ZSWIM5: variants seen among roughly 807,000 people sequenced by gnomAD.
ZSWIM5 encodes the protein zinc finger SWIM-type containing 5.
Under a neutral mutation model 119.6 loss-of-function variants are expected in ZSWIM5, and 55 were observed. The ratio of observed to expected loss-of-function variants is 0.46; its 90% CI spans 0.37 to 0.58. ZSWIM5 has a LOEUF of 0.58. ZSWIM5 is among the 20% of genes least tolerant of loss of function. ZSWIM5 has a pLI of 0.00. For synonymous variants in ZSWIM5, 537 were observed against 606.9 expected, an observed-to-expected ratio of 0.88 and a Z score of 1.69; for missense variants, 1,193 against 1,512.8, an observed-to-expected ratio of 0.79 and a Z score of 3.51.
intron 5 of ZSWIM5, among the ~76,000 whole-genome samples, chr1:45,044,723 CAAAA>C (rs869224710): frequency 2.3e-4 from 1 of 4,400 alleles, no homozygotes; most frequent in African/African-American, 1.3e-3. Context: ...GACTCCGTCT[CAAAA>C]AAAAAAAAAA....
In ZSWIM5 at chr1:45,043,314, T is replaced by C; in HGVS notation, c.1514A>G (p.Gln505Arg). The C allele has an allele frequency of 6.2e-7, 1 of 1,614,218 alleles. No individual in the cohort carries two copies. The highest frequency in any genetic ancestry group is 8.5e-7 in the Non-Finnish European group (1 of 1,180,026). Residue 505 changes from glutamine to arginine, a missense_variant, in exon 6 of 14, where the codon CAG (glutamine) becomes CGG (arginine). This residue lies in a region of ZSWIM5 where 961 missense variants were observed against 1,290.0 expected (regional missense o/e 0.74). Coordinates refer to ENST00000359600, the MANE Select transcript of ZSWIM5 (RefSeq NM_020883.2). ...RELHWQDSHLQRIISSDVYTA... is the reference protein window; with the variant it reads ...RELHWQDSHLRRIISSDVYTA... ...ATAAACATCACTGCTGATTATTCGC[T>C]GTAGGTGGCTATCCTGCCAATGTAA... is the stretch of plus-strand genomic sequence containing the variant.
At chr1:45,197,063 T>A (rs758129355) in intron 1 of ZSWIM5, among the ~76,000 whole-genome samples, 2 of 152,252 alleles carry the variant, frequency 1.3e-5, no homozygotes, top group African/African-American at 2.4e-5. Context: ...GTGGCTTGCA[T>A]CAACCAATCA....
At chr1:45,107,724 C>T (rs1455515120) in intron 1 of ZSWIM5, among the ~76,000 whole-genome samples, 1 of 152,010 alleles carries the variant, frequency 6.6e-6, no homozygotes, top group African/African-American at 2.4e-5. Flanking sequence ...AACAACTTAC[C>T]TCACATCATG....
intron 1 of ZSWIM5, among the ~76,000 whole-genome samples, chr1:45,170,129 AG>A (rs1259631123): frequency 2.0e-5 from 3 of 152,142 alleles, no homozygotes; most frequent in Non-Finnish European, 2.9e-5. Context: ...ATTCCGAAAA[AG>A]CCATCTGAAA....
At chr1:45,123,765 C>G (rs1645606214) in intron 1 of ZSWIM5, among the ~76,000 whole-genome samples, 1 of 152,078 alleles carries the variant, frequency 6.6e-6, no homozygotes, top group Admixed American at 6.6e-5. Flanking sequence ...GCTGAATAAA[C>G]CCCAAAGAGG....
intron 3 of ZSWIM5, 36 bp from the exon 4 acceptor site, chr1:45,058,795 T>C (rs750770814): frequency 1.7e-5 from 28 of 1,609,990 alleles, no homozygotes; most frequent in Middle Eastern, 1.6e-4. Context: ...TTGGTGATTG[T>C]GTATCACAAA....
chr1:45,206,032 G>T lies in ZSWIM5; in HGVS notation c.319C>A (p.Arg107=), dbSNP rs373914497. 4.4e-5 allele frequency: 71 copies of T among 1,605,716 alleles called. No homozygotes were observed. The highest frequency in any genetic ancestry group is 5.9e-5 in the Non-Finnish European group (69 of 1,176,822). Residue 107 remains arginine (R), a synonymous_variant, in exon 1 of 14, where the codon CGG becomes AGG. Coordinates refer to ENST00000359600, the MANE Select transcript of ZSWIM5 (RefSeq NM_020883.2). ...IVYWSFPRNE[R]EICMYSSFQY... ...AAGCTGGAGTACATGCAGATCTCCC[G>T]CTCATTCCGCGGGAAGGACCAGTAG...
intron 1 of ZSWIM5, among the ~76,000 whole-genome samples, chr1:45,196,058 T>TA (rs1553203206): frequency 5.5e-5 from 8 of 145,882 alleles, no homozygotes; most frequent in Admixed American, 2.1e-4. Context: ...TTTTTTTTTT[T>TA]AAAGATGAGG....
chr1:45,082,552 T>C (rs907587846), intron 2 of ZSWIM5, among the ~76,000 whole-genome samples: 5 of 152,236 alleles, frequency 3.3e-5, no homozygotes, highest in Non-Finnish European at 7.3e-5. Context: ...GGATCTTCAG[T>C]CCAGTCCATT....
intron 1 of ZSWIM5, among the ~76,000 whole-genome samples, chr1:45,127,530 A>G (rs531542843): frequency 6.6e-6 from 1 of 151,054 alleles, no homozygotes; most frequent in African/African-American, 2.4e-5. Flanking sequence ...TGCATACTTG[A>G]TCTCCCAGGT....
intron 2 of ZSWIM5, among the ~76,000 whole-genome samples, chr1:45,073,554 C>T (rs536121828): frequency 4.0e-5 from 6 of 151,606 alleles, no homozygotes; most frequent in South Asian, 2.1e-4. Flanking sequence ...CCACTGCGCC[C>T]GGCCTGCTGA....
intron 1 of ZSWIM5, among the ~76,000 whole-genome samples, chr1:45,133,192 G>A (rs1300852232): frequency 6.6e-6 from 1 of 152,188 alleles, no homozygotes; most frequent in African/African-American, 2.4e-5. Flanking sequence ...TCGCCACACT[G>A]TCTGCCACAA....
intron 1 of ZSWIM5, among the ~76,000 whole-genome samples, chr1:45,136,017 C>A (rs1300473104): frequency 6.6e-6 from 1 of 152,076 alleles, no homozygotes; most frequent in Non-Finnish European, 1.5e-5. Flanking sequence ...TGCACCATCA[C>A]GCCTGGCTAA....
rs1644876710 is a variant in ZSWIM5 at position 45,019,968 on chromosome 1, C to T, written c.2695+98G>A. On this transcript the variant is annotated intron_variant, in intron 13 of 13. Transcript: ENST00000359600. This position sits in a 1 kb window ranked among gnomAD's most constrained non-coding sequence, Gnocchi z 5.0. ...CCATCTCCTGATGGACCTAAGATCT[C>T]ATAGGAATATGAGAGCTCTAAGGAT... is the stretch of plus-strand genomic sequence containing the variant. The T allele has an allele frequency of 1.1e-5, 12 of 1,064,740 alleles. No homozygotes were observed. The highest frequency in any genetic ancestry group is 1.7e-5 in the Non-Finnish European group (12 of 709,212). 66.0% of individuals were successfully genotyped at this position (1,064,740 alleles called of 1,614,324 possible).
intron 1 of ZSWIM5, among the ~76,000 whole-genome samples, chr1:45,113,879 A>G (rs1645531813): frequency 6.6e-6 from 1 of 152,224 alleles, no homozygotes; most frequent in Admixed American, 6.5e-5. Flanking sequence ...AATCTGTTAA[A>G]GAAACCATCC....
At chr1:45,044,066 T>C (rs189577178) in intron 5 of ZSWIM5, among the ~76,000 whole-genome samples, 96 of 152,082 alleles carry the variant, frequency 6.3e-4, no homozygotes, top group African/African-American at 2.3e-3. Flanking sequence ...GGCACATGCC[T>C]GTAGTCCTAG....
At chr1:45,127,431 T>G (rs1248064486) in intron 1 of ZSWIM5, among the ~76,000 whole-genome samples, 1 of 151,820 alleles carries the variant, frequency 6.6e-6, no homozygotes, top group Admixed American at 6.6e-5. Flanking sequence ...CAAGGCAAGA[T>G]TCTGCTCTCA....
intron 1 of ZSWIM5, among the ~76,000 whole-genome samples, chr1:45,194,459 G>C (rs919591989): frequency 3.9e-5 from 6 of 152,054 alleles, no homozygotes; most frequent in Admixed American, 1.3e-4. Flanking sequence ...TTTACTCTCA[G>C]AAAAAAGGAT....
At position 45,018,615 on chromosome 1, in the gene ZSWIM5, G is replaced by A. The variant is rs1346219899; in HGVS notation, c.3397C>T (p.Arg1133Cys). The part of the protein sequence containing the change: ...THSRLTHISP[R>C]HYGEFIEFLS... ...AACTCAATGAACTCTCCATAGTGGCGAGGGCTGATGTGTGTTAGGCGTGAG... is the reference window on the plus strand; with the variant it reads ...AACTCAATGAACTCTCCATAGTGGCAAGGGCTGATGTGTGTTAGGCGTGAG... The change falls in exon 14 of 14, where the codon CGC becomes TGC. Residue 1133 changes from arginine (R) to cysteine (C), a missense_variant. Transcript: ENST00000359600. This position sits in a 1 kb window ranked among gnomAD's most constrained non-coding sequence, Gnocchi z 6.7. 10 of 1,614,086 alleles carry A rather than the reference G, an allele frequency of 6.2e-6. No homozygotes were observed. The Admixed American group carries it at 1.2e-4, about 19-fold the overall frequency.
Sources: gnomAD v4.1 joint callset for allele counts (sites outside exome capture counted in the v4.1 genomes callset) on GRCh38, gnomAD v4.1.1 for gene constraint, gnomAD v4.1.1 regional missense constraint, Gnocchi (gnomAD v3.1) non-coding constraint, MANE v1.5 for transcripts, NCBI Gene and HGNC (gene_info 2026-07-23, HGNC 2026-07-21) for gene names.